Variants in SEC14L5 observed in about 807,000 individuals in gnomAD.
SEC14L5 encodes the protein SEC14 like lipid binding 5, also known as SEC14-like protein 5.
Under a neutral mutation model 84.6 loss-of-function variants are expected in SEC14L5, and 96 were observed. That is an observed-to-expected ratio of 1.13 (90% CI 0.96 to 1.34). The LOEUF is 1.34. Among genes scored for constraint, SEC14L5 ranks in the 40% most tolerant of loss-of-function variants. SEC14L5 has a pLI of 0.00. For missense variants in SEC14L5, 1,224 were observed against 942.5 expected (o/e 1.30, Z -3.91); for synonymous variants, 546 against 383.4 (o/e 1.42, Z -4.95).
chr16:4,976,580 G>C (rs1955343186), intron 2 of SEC14L5, among the ~76,000 whole-genome samples: 1 of 152,210 alleles, frequency 6.6e-6, no homozygotes, highest in Admixed American at 6.5e-5. Context: ...GTCTGGGTGG[G>C]AATTCAGGGC....
Position 5,015,962 on chromosome 16 carries a change from C to G in SEC14L5, c.*992C>G, listed in dbSNP as rs1485678215. 6.6e-6 allele frequency: 1 copy of G among 152,176 alleles called. No individual in the cohort carries two copies. Among genetic ancestry groups the G allele is most frequent in the Non-Finnish European group, 1.5e-5 (1 of 68,042 alleles). 9.4% of individuals were successfully genotyped at this position (152,176 alleles called of 1,614,324 possible). Reference sequence around the variant, plus strand: ...CTGTCTGTATACCCCACTGGAGATGCCTTTCTCTCCTAGGGAACTGTTTAA... The same window carrying G: ...CTGTCTGTATACCCCACTGGAGATGGCTTTCTCTCCTAGGGAACTGTTTAA... On this transcript the variant is annotated 3_prime_UTR_variant, in exon 16 of 16. Transcript: ENST00000251170.
intron 2 of SEC14L5, among the ~76,000 whole-genome samples, chr16:4,984,349 T>C (rs990696976): frequency 6.6e-6 from 1 of 152,266 alleles, no homozygotes; most frequent in Non-Finnish European, 1.5e-5. Context: ...TTCATCCATG[T>C]TGTAGCATGA....
At chr16:5,009,675 C>T (rs975326311) in intron 14 of SEC14L5, among the ~76,000 whole-genome samples, 2 of 152,116 alleles carry the variant, frequency 1.3e-5, no homozygotes, top group African/African-American at 4.8e-5. Context: ...AGGTCACGTT[C>T]TGAGGTTCTG....
chr16:4,961,630 C>G (rs994192324), intron 2 of SEC14L5, among the ~76,000 whole-genome samples: 2 of 152,174 alleles, frequency 1.3e-5, no homozygotes, highest in African/African-American at 2.4e-5. Flanking sequence ...CATCCGGCCC[C>G]TATTCATATA....
intron 14 of SEC14L5, among the ~76,000 whole-genome samples, chr16:5,010,061 GGCCGGGT>G (rs995911478): frequency 1.3e-5 from 2 of 151,852 alleles, no homozygotes; most frequent in African/African-American, 4.8e-5. Context: ...GTAGGTCTTG[GGCCGGGT>G]GCGGTGGCTC....
chr16:5,016,805 C>T lies in SEC14L5; in HGVS notation c.*1835C>T, dbSNP rs1402409458. The T allele has an allele frequency of 6.6e-6, 1 of 152,228 alleles. No homozygotes were observed. The highest frequency in any genetic ancestry group is 1.5e-5 in the Non-Finnish European group (1 of 68,036). 9.4% of individuals were successfully genotyped at this position (152,228 alleles called of 1,614,324 possible). A position where few individuals can be genotyped will look rare whatever the true frequency, so the allele number is the denominator to read the frequency against. On this transcript the variant is annotated 3_prime_UTR_variant, in exon 16 of 16. Coordinates refer to ENST00000251170, the MANE Select transcript of SEC14L5 (RefSeq NM_014692.2). ...CATCTTTTCAGATACATCCTTCTTCCTGCTGGGAGAGAGCCTTGCCCACCT... is the reference window on the plus strand; with the variant it reads ...CATCTTTTCAGATACATCCTTCTTCTTGCTGGGAGAGAGCCTTGCCCACCT...
chr16:4,988,246 AC>A lies in SEC14L5; in HGVS notation c.313del (p.Arg105AlafsTer4). ...GAAGCGCACAATGAGACCTTCGCCA[AC>A]CGCGTGGTGGTGAACGAGCACTGCA... Reference protein sequence around the residue: ...LIEAHNETFANRVVVNEHCSY... With the variant: ...LIEAHNETFAXRVVVNEHCSY... On this transcript the variant is annotated frameshift_variant, in exon 4 of 16. Coordinates refer to ENST00000251170, the MANE Select transcript of SEC14L5 (RefSeq NM_014692.2). LOFTEE classifies it high-confidence loss of function. The A allele has an allele frequency of 1.2e-6, 2 of 1,613,784 alleles. No individual in the cohort carries two copies. The highest frequency in any genetic ancestry group is 1.7e-6 in the Non-Finnish European group (2 of 1,179,760).
rs1215131366 is a variant in SEC14L5, at chr16:4,987,501, G to T, written c.64-56G>T. ...CAGCAGATAAGGAGGTCGCGCTGGGGGGGGGGGTCCCTCTGCCCCCCCCAC... is the reference window on the plus strand; with the variant it reads ...CAGCAGATAAGGAGGTCGCGCTGGGTGGGGGGGTCCCTCTGCCCCCCCCAC... On this transcript the variant is annotated intron_variant, in intron 2 of 15. Transcript: ENST00000251170. 6.8e-5 allele frequency: 97 copies of T among 1,423,850 alleles called. 3 individuals are homozygous for T. The South Asian group carries it at 1.1e-3, about 16-fold the overall frequency. 88.2% of individuals were successfully genotyped at this position (1,423,850 alleles called of 1,614,324 possible). A position where few individuals can be genotyped will look rare whatever the true frequency, so the allele number is the denominator to read the frequency against.
At position 5,005,958 on chromosome 16, in the gene SEC14L5, C is replaced by T. The variant is rs940597811; in HGVS notation, c.1347C>T (p.Ile449=). Residue 449 remains isoleucine, a synonymous_variant, in exon 12 of 16, where the codon ATC becomes ATT. Coordinates refer to ENST00000251170, the MANE Select transcript of SEC14L5 (RefSeq NM_014692.2). ...AGAACACCAGGCGGAAGTTCCTCAT[C>T]TACAGTGGCAGCAACTACCAGGGAC... The part of the protein sequence containing the change: ...INENTRRKFL[I]YSGSNYQGPG... 6 of 1,611,030 alleles carry T rather than the reference C, an allele frequency of 3.7e-6. No homozygotes were observed. Among genetic ancestry groups the T allele is most frequent in the Middle Eastern group, 1.6e-4 (1 of 6,080 alleles).
At chr16:5,012,507 C>T (rs1210146780) in intron 15 of SEC14L5, among the ~76,000 whole-genome samples, 1 of 152,196 alleles carries the variant, frequency 6.6e-6, no homozygotes, top group East Asian at 1.9e-4. Context: ...TAGGGTCTGC[C>T]ATCATGAAGC....
At position 5,015,723 on chromosome 16, in the gene SEC14L5, G is replaced by A. The variant is rs1265011138; in HGVS notation, c.*753G>A. The A allele has an allele frequency of 2.0e-5, 3 of 152,396 alleles. No individual in the cohort carries two copies. Among genetic ancestry groups the A allele is most frequent in the African/African-American group, 7.2e-5 (3 of 41,472 alleles). The allele number at this position is 152,396 out of a possible 1,614,324, so 9.4% of individuals were successfully genotyped here. The stretch of plus-strand genomic sequence containing the variant: ...AGGGTGTTTACCTTGGCATCTGATT[G>A]CATAACGTTCTGTTATGCAGTATCA... On this transcript the variant is annotated 3_prime_UTR_variant, in exon 16 of 16. Transcript: ENST00000251170.
intron 4 of SEC14L5, among the ~76,000 whole-genome samples, chr16:4,988,561 C>G (rs935740602): frequency 1.3e-5 from 2 of 152,186 alleles, no homozygotes; most frequent in Non-Finnish European, 2.9e-5. Flanking sequence ...TGTGTTTTAT[C>G]TGTTAAATCT....
At position 5,007,427 on chromosome 16, in the gene SEC14L5, C is replaced by A; in HGVS notation, c.1513C>A (p.Leu505Met). 6.2e-7 allele frequency: 1 copy of A among 1,613,854 alleles called. No homozygotes were observed. The highest frequency in any genetic ancestry group is 2.2e-5 in the East Asian group (1 of 44,872). Residue 505 changes from leucine (L) to methionine (M), a missense_variant, in exon 13 of 16, where the codon CTG (leucine) becomes ATG (methionine). Coordinates refer to ENST00000251170, the MANE Select transcript of SEC14L5 (RefSeq NM_014692.2). The part of the protein sequence containing the change: ...TEEEQEHTDQ[L>M]WQWSETYHSA... ...AGAGGAGCAGGAGCACACGGACCAG[C>A]TGTGGCAGTGGAGTGAGACCTACCA...
In SEC14L5 at chr16:5,000,007, TG is replaced by T. The variant is rs563349945; in HGVS notation, c.971-644del. On this transcript the variant is annotated intron_variant, in intron 8 of 15. Coordinates refer to ENST00000251170, the MANE Select transcript of SEC14L5 (RefSeq NM_014692.2). Reference sequence around the variant, plus strand: ...ATTGATTGGTTGACAAAAAGTATTATGGGGCCAGCTGCGGTGGCTCATGCCT... The same window carrying T: ...ATTGATTGGTTGACAAAAAGTATTATGGGCCAGCTGCGGTGGCTCATGCCT... Among the ~76,000 whole-genome samples the T allele has an allele frequency of 3.1e-4, 47 of 152,114 alleles. No individual in the cohort carries two copies. The South Asian group carries it at 9.8e-3, about 32-fold the overall frequency.
At chr16:4,966,466 G>A (rs182175397) in intron 2 of SEC14L5, among the ~76,000 whole-genome samples, 7 of 151,408 alleles carry the variant, frequency 4.6e-5, no homozygotes, top group Admixed American at 4.6e-4. Flanking sequence ...GTAGAGACAG[G>A]GTTTCATTAT....
chr16:5,018,337 C>T lies in SEC14L5; in HGVS notation c.*3367C>T, dbSNP rs1238967350. 2 of 152,158 alleles carry T rather than the reference C, an allele frequency of 1.3e-5. No homozygotes were observed. Among genetic ancestry groups the T allele is most frequent in the Non-Finnish European group, 2.9e-5 (2 of 68,040 alleles). The allele number at this position is 152,158 out of a possible 1,614,324, so 9.4% of individuals were successfully genotyped here. A position where few individuals can be genotyped will look rare whatever the true frequency, so the allele number is the denominator to read the frequency against. On this transcript the variant is annotated 3_prime_UTR_variant, in exon 16 of 16. Coordinates refer to ENST00000251170, the MANE Select transcript of SEC14L5 (RefSeq NM_014692.2). The stretch of plus-strand genomic sequence containing the variant: ...AAAAGTAGGTGTCAAGAATTATTGC[C>T]CTCTGAGTTGGGTGTGCAGTCTTTC...
At chr16:4,963,247 A>C (rs1287872736) in intron 2 of SEC14L5, among the ~76,000 whole-genome samples, 1 of 152,210 alleles carries the variant, frequency 6.6e-6, no homozygotes, top group Non-Finnish European at 1.5e-5. Context: ...CTCACTTAAA[A>C]AATTTATCTA....
chr16:4,983,969 A>G (rs187181423), intron 2 of SEC14L5, among the ~76,000 whole-genome samples: 26 of 152,316 alleles, frequency 1.7e-4, no homozygotes, highest in Non-Finnish European at 3.5e-4. Flanking sequence ...ATATAAACAC[A>G]TACACTTGGA....
intron 2 of SEC14L5, among the ~76,000 whole-genome samples, chr16:4,981,447 A>C (rs191509582): frequency 1.9e-3 from 288 of 151,924 alleles, no homozygotes; most frequent in African/African-American, 6.6e-3. Flanking sequence ...CCTCCCCCGA[A>C]ATCATTTCGT....
Sources: allele counts gnomAD v4.1 joint callset (sites outside exome capture counted in the v4.1 genomes callset), GRCh38; gene constraint gnomAD v4.1.1; transcripts MANE v1.5; gene names NCBI Gene and HGNC (gene_info 2026-07-23, HGNC 2026-07-21).